The following RBFOX1 variants were observed in gnomAD, a reference collection of about 807,000 sequenced individuals.
RBFOX1 encodes the protein RNA binding protein fox-1 homolog 1.
In RBFOX1, 8 loss-of-function variants were observed where a neutral mutation model predicts 57.7. That is an observed-to-expected ratio of 0.14 (90% CI 0.08 to 0.25). RBFOX1 has a LOEUF of 0.25. Ranked by LOEUF, RBFOX1 falls within the 10% of genes least tolerant of loss-of-function variation. The probability of loss-of-function intolerance (pLI) is 1.00; values close to 1 mark genes in which losing one functional copy is unlikely to be tolerated. For missense variants in RBFOX1, 611 were observed against 548.5 expected (o/e 1.11, Z -1.14); for synonymous variants, 326 against 222.4 (o/e 1.47, Z -4.15).
chr16:7,327,015 CAAAAGTGTGATCACTATT>C (rs2096620309), intron 4 of RBFOX1, among the ~76,000 whole-genome samples: 3 of 152,286 alleles, frequency 2.0e-5, no homozygotes, highest in African/African-American at 7.2e-5. Flanking sequence ...TCTGCCTTCT[CAAAAGTGTGATCACTATT>C]AAAAGAGTCA....
intron 3 of RBFOX1, among the ~76,000 whole-genome samples, chr16:5,810,015 G>A (rs1017947462): frequency 1.3e-5 from 2 of 152,164 alleles, no homozygotes; most frequent in Non-Finnish European, 2.9e-5. Context: ...ATGAGTTCAT[G>A]TCCTTTGTAG....
At chr16:6,111,354 G>T (rs1182721850) in intron 1 of RBFOX1, among the ~76,000 whole-genome samples, 4 of 152,152 alleles carry the variant, frequency 2.6e-5, no homozygotes, top group African/African-American at 9.7e-5. Flanking sequence ...ATGGTGAACT[G>T]GGATGGGCTT....
intron 4 of RBFOX1, among the ~76,000 whole-genome samples, chr16:7,377,282 C>T (rs74010693): frequency 0.015 from 2,304 of 152,280 alleles, 61 homozygotes; most frequent in African/African-American, 0.053. Context: ...GCAGATGATA[C>T]TGGGACACAG....
chr16:6,335,456 C>G (rs2083512831), intron 2 of RBFOX1, among the ~76,000 whole-genome samples: 1 of 152,038 alleles, frequency 6.6e-6, no homozygotes, highest in African/African-American at 2.4e-5. Context: ...TAACCATGTT[C>G]ATCATAATGA....
rs188834219 is a variant in RBFOX1 at position 5,679,140 on chromosome 16, A to C, written c.318+80179A>C. ...TTCAGCTAATTGGCAAAGAGAAACC[A>C]GGCAGAGTACCCTGGAAAGGGCAAG... On this transcript the variant is annotated intron_variant, in intron 3 of 19. Coordinates refer to the RBFOX1 transcript ENST00000641259. Among the ~76,000 whole-genome samples the C allele has an allele frequency of 1.6e-3, 248 of 152,360 alleles. 2 individuals carry two copies. The highest frequency in any genetic ancestry group is 5.5e-3 in the African/African-American group (229 of 41,584).
At chr16:7,238,752 T>A (rs555891413) in intron 4 of RBFOX1, among the ~76,000 whole-genome samples, 51 of 152,230 alleles carry the variant, frequency 3.4e-4, no homozygotes, top group Admixed American at 6.5e-4. Context: ...GTGTTAAACC[T>A]AGTACCCATT....
At chr16:6,672,624 C>T (rs563860201) in intron 3 of RBFOX1, among the ~76,000 whole-genome samples, 1 of 152,124 alleles carries the variant, frequency 6.6e-6, no homozygotes, top group Non-Finnish European at 1.5e-5. Flanking sequence ...CTACTGACTT[C>T]AGGTACACAT....
chr16:7,584,706 C>T (rs954286437), intron 6 of RBFOX1, among the ~76,000 whole-genome samples: 18 of 152,282 alleles, frequency 1.2e-4, no homozygotes, highest in African/African-American at 7.2e-5. Context: ...GCGAATGAGT[C>T]GTGTCTATTT....
chr16:5,876,947 T>C (rs996792044), intron 4 of RBFOX1, among the ~76,000 whole-genome samples: 3 of 151,960 alleles, frequency 2.0e-5, no homozygotes, highest in African/African-American at 7.3e-5. Flanking sequence ...GGAGATGCAA[T>C]GGTTGAAGGG....
intron 4 of RBFOX1, among the ~76,000 whole-genome samples, chr16:7,501,788 ATTTTG>A (rs1451954936): frequency 1.3e-5 from 2 of 152,102 alleles, no homozygotes; most frequent in East Asian, 3.9e-4. Flanking sequence ...CTGATAAATC[ATTTTG>A]TTTCTTAAAT....
chr16:5,381,898 A>G (rs1029688750), intron 1 of RBFOX1, among the ~76,000 whole-genome samples: 4 of 152,200 alleles, frequency 2.6e-5, no homozygotes, highest in African/African-American at 4.8e-5. Flanking sequence ...TCTTGGCGCT[A>G]TTGACATTTG....
At position 5,445,126 on chromosome 16, in the gene RBFOX1, A is replaced by T. The variant is rs115457031; in HGVS notation, c.220-22090A>T. On this transcript the variant is annotated intron_variant, in intron 1 of 2. Coordinates refer to the RBFOX1 transcript ENST00000585867. ...GGAATGTGGGAGGGGATCTGGATGG[A>T]TTCCAGGAGACCCTTTAGGAAGATG... Among the ~76,000 whole-genome samples, 1,096 of 152,290 alleles carry T rather than the reference A, an allele frequency of 7.2e-3. 18 individuals carry two copies. The highest frequency in any genetic ancestry group is 0.025 in the African/African-American group (1,059 of 41,556).
intron 2 of RBFOX1, among the ~76,000 whole-genome samples, chr16:6,626,093 C>G (rs1601897173): frequency 6.6e-6 from 1 of 150,860 alleles, no homozygotes; most frequent in African/African-American, 2.4e-5. Context: ...CAATATGCGT[C>G]TCTTAGTTTT....
intron 1 of RBFOX1, among the ~76,000 whole-genome samples, chr16:6,070,875 C>T (rs1448014218): frequency 6.6e-6 from 1 of 151,504 alleles, no homozygotes; most frequent in Non-Finnish European, 1.5e-5. Flanking sequence ...TTGACAGTAG[C>T]CGTATAATTT....
chr16:7,266,731 A>G (rs994983066), intron 4 of RBFOX1, among the ~76,000 whole-genome samples: 4 of 152,222 alleles, frequency 2.6e-5, no homozygotes, highest in African/African-American at 4.8e-5. Flanking sequence ...AAAGTAAGCA[A>G]AAAGTAAGAA....
At chr16:7,567,430 G>T (rs1367870371) in intron 5 of RBFOX1, among the ~76,000 whole-genome samples, 4 of 83,856 alleles carry the variant, frequency 4.8e-5, no homozygotes, top group African/African-American at 1.0e-4. Context: ...CCTATGTATG[G>T]CCCTATATAT....
At chr16:7,499,141 A>G (rs1257469238) in intron 4 of RBFOX1, among the ~76,000 whole-genome samples, 2 of 152,152 alleles carry the variant, frequency 1.3e-5, no homozygotes, top group Non-Finnish European at 2.9e-5. Context: ...TGGAGGCCTG[A>G]AGTCTGAGAC....
rs576911787 is a variant in RBFOX1, at chr16:6,655,187, A to C, written c.-16+537A>C. Among the ~76,000 whole-genome samples the C allele has an allele frequency of 3.3e-5, 5 of 151,692 alleles. No individual in the cohort carries two copies. In the South Asian group the frequency reaches 8.4e-4, roughly 25 times the overall value. ...TCAGGAGTTAGAGACCAACCTGGCC[A>C]ACATGGGGAAACCCCGTATCTACTA... On this transcript the variant is annotated intron_variant, in intron 3 of 15. Coordinates refer to ENST00000550418, the MANE Select transcript of RBFOX1 (RefSeq NM_018723.4).
chr16:7,150,888 A>T (rs2075981069), intron 4 of RBFOX1, among the ~76,000 whole-genome samples: 1 of 152,244 alleles, frequency 6.6e-6, no homozygotes, highest in Non-Finnish European at 1.5e-5. Flanking sequence ...TTATGATGGT[A>T]GTTCCCCTAT....
Sources: allele counts gnomAD v4.1 joint callset (sites outside exome capture counted in the v4.1 genomes callset), GRCh38; gene constraint gnomAD v4.1.1; transcripts MANE v1.5; gene names NCBI Gene and HGNC (gene_info 2026-07-23, HGNC 2026-07-21).